Variants in STAG1 observed in about 807,000 individuals in gnomAD.
STAG1 encodes the protein cohesin subunit SA-1.
Under a neutral mutation model 170.9 loss-of-function variants are expected in STAG1, and 26 were observed. The ratio of observed to expected loss-of-function variants is 0.15; its 90% CI spans 0.11 to 0.21. The LOEUF (loss-of-function observed/expected upper bound fraction) is 0.21, where lower values mean the gene tolerates loss of function less well. STAG1 is among the 10% of genes least tolerant of loss of function. The pLI is 1.00. For missense variants in STAG1, 964 were observed against 1,509.5 expected (o/e 0.64, Z 5.99); for synonymous variants, 514 against 497.7 (o/e 1.03, Z -0.44).
intron 7 of STAG1, among the ~76,000 whole-genome samples, chr3:136,517,833 A>G (rs907057907): frequency 6.6e-6 from 1 of 152,070 alleles, no homozygotes; most frequent in Non-Finnish European, 1.5e-5. Context: ...GTTAATGAAA[A>G]CTACAATGTA....
intron 1 of STAG1, among the ~76,000 whole-genome samples, chr3:136,731,772 C>T (rs1268729018): frequency 1.3e-5 from 2 of 152,224 alleles, no homozygotes; most frequent in African/African-American, 4.8e-5. Flanking sequence ...GCTAACCTAT[C>T]TCTTTTTCAT....
intron 7 of STAG1, among the ~76,000 whole-genome samples, chr3:136,504,948 A>G (rs1298934441): frequency 1.3e-5 from 2 of 152,220 alleles, no homozygotes; most frequent in Admixed American, 6.5e-5. Flanking sequence ...AATGATCAAT[A>G]TATCTTCGGA....
intron 6 of STAG1, among the ~76,000 whole-genome samples, chr3:136,538,209 TAC>T (rs1935733078): frequency 6.6e-6 from 1 of 152,160 alleles, no homozygotes; most frequent in Non-Finnish European, 1.5e-5. Flanking sequence ...GATAGCGCAA[TAC>T]TATATACATT....
At chr3:136,651,270 G>A (rs1357198333) in intron 1 of STAG1, among the ~76,000 whole-genome samples, 1 of 151,646 alleles carries the variant, frequency 6.6e-6, no homozygotes, top group Non-Finnish European at 1.5e-5. Flanking sequence ...AGAGGCTGAG[G>A]TGGGAGGACT....
chr3:136,407,946 T>C (rs1333340120), intron 21 of STAG1, among the ~76,000 whole-genome samples: 1 of 151,498 alleles, frequency 6.6e-6, no homozygotes, highest in African/African-American at 2.4e-5. Flanking sequence ...TCCAACAGTA[T>C]AACTGGTGTA....
Position 136,630,955 on chromosome 3 carries a change from A to T in STAG1, c.-57T>A. The T allele has an allele frequency of 6.7e-7, 1 of 1,482,472 alleles. No homozygotes were observed. Among genetic ancestry groups the T allele is most frequent in the Non-Finnish European group, 9.0e-7 (1 of 1,110,932 alleles). The allele number at this position is 1,482,472 out of a possible 1,614,324, so 91.8% of individuals were successfully genotyped here. ...ATAATCAAGTGCTGTACAACTCAAA[A>T]CTTTTAAAATAACCTCAAAGGCAAT... On this transcript the variant is annotated 5_prime_UTR_variant, in exon 2 of 34. Coordinates refer to ENST00000383202, the MANE Select transcript of STAG1 (RefSeq NM_005862.3).
chr3:136,465,302 C>T (rs1235181538), intron 12 of STAG1, among the ~76,000 whole-genome samples: 2 of 150,124 alleles, frequency 1.3e-5, no homozygotes, highest in Non-Finnish European at 3.0e-5. Context: ...TCACTGCAAC[C>T]TCTGCCTCCC....
chr3:136,701,344 T>C (rs1455545796), intron 1 of STAG1, among the ~76,000 whole-genome samples: 4 of 152,170 alleles, frequency 2.6e-5, no homozygotes, highest in African/African-American at 9.7e-5. Context: ...CTTGACCTTT[T>C]TGCTTCTTGA....
chr3:136,655,104 G>A (rs181578715), intron 1 of STAG1, among the ~76,000 whole-genome samples: 13 of 151,930 alleles, frequency 8.6e-5, no homozygotes, highest in East Asian at 1.9e-4. Context: ...GAACAACATC[G>A]GCACAGACAA....
At chr3:136,372,325 C>T (rs545177708) in intron 23 of STAG1, among the ~76,000 whole-genome samples, 98 of 152,254 alleles carry the variant, frequency 6.4e-4, no homozygotes, top group African/African-American at 2.0e-3. Flanking sequence ...CTTTTCCTAA[C>T]TGAATGCCCT....
chr3:136,538,850 T>C (rs889678559), intron 6 of STAG1, among the ~76,000 whole-genome samples: 2 of 152,178 alleles, frequency 1.3e-5, no homozygotes, highest in Non-Finnish European at 2.9e-5. Context: ...AAAAATGTTT[T>C]AGTGGCTGGG....
At chr3:136,618,134 T>C (rs550371472) in intron 3 of STAG1, among the ~76,000 whole-genome samples, 1 of 152,302 alleles carries the variant, frequency 6.6e-6, no homozygotes, top group South Asian at 2.1e-4. Context: ...CTTTTCCAAT[T>C]ACCTGCTCCA....
chr3:136,425,929 A>G (rs926080452), intron 16 of STAG1, among the ~76,000 whole-genome samples: 5 of 151,564 alleles, frequency 3.3e-5, no homozygotes, highest in African/African-American at 1.2e-4. Context: ...AACAATAACC[A>G]TTAGCACTGT....
intron 6 of STAG1, among the ~76,000 whole-genome samples, chr3:136,533,316 TG>T (rs923753661): frequency 6.6e-6 from 1 of 152,168 alleles, no homozygotes; most frequent in African/African-American, 2.4e-5. Context: ...GGTAAAATGT[TG>T]GTAACCACTG....
intron 5 of STAG1, among the ~76,000 whole-genome samples, chr3:136,568,146 C>T (rs1166285239): frequency 6.6e-6 from 1 of 152,072 alleles, no homozygotes; most frequent in African/African-American, 2.4e-5. Flanking sequence ...GATTACTATT[C>T]TTCTGTATTC....
rs1167890194 is a variant in STAG1 at position 136,726,076 on chromosome 3, C to G, written c.-84+26119G>C. Among the ~76,000 whole-genome samples the G allele has an allele frequency of 3.9e-5, 6 of 152,284 alleles. No individual in the cohort carries two copies. The East Asian group carries it at 7.7e-4, about 20-fold the overall frequency. On this transcript the variant is annotated intron_variant, in intron 1 of 33. Coordinates refer to ENST00000383202, the MANE Select transcript of STAG1 (RefSeq NM_005862.3). ...ACACTGTAACAACCTAACCCTCCCT[C>G]TTGCATTCCCCACACCCCACCCACC...
At chr3:136,639,876 C>T (rs967726476) in intron 1 of STAG1, among the ~76,000 whole-genome samples, 22 of 152,250 alleles carry the variant, frequency 1.4e-4, no homozygotes, top group African/African-American at 5.1e-4. Context: ...TTCCTTTAAA[C>T]TATGTATGTG....
intron 3 of STAG1, among the ~76,000 whole-genome samples, chr3:136,610,951 C>T (rs561256724): frequency 3.5e-4 from 54 of 152,186 alleles, no homozygotes; most frequent in African/African-American, 1.1e-3. Context: ...TTCCTTTTTT[C>T]CACATATTAA....
intron 28 of STAG1, among the ~76,000 whole-genome samples, chr3:136,353,874 G>A (rs1357697478): frequency 6.6e-6 from 1 of 152,136 alleles, no homozygotes; most frequent in East Asian, 1.9e-4. Context: ...TCTCTTAACT[G>A]ATTTAAAAAG....
Sources: gnomAD v4.1 joint callset for allele counts (sites outside exome capture counted in the v4.1 genomes callset) on GRCh38, gnomAD v4.1.1 for gene constraint, MANE v1.5 for transcripts, NCBI Gene and HGNC (gene_info 2026-07-23, HGNC 2026-07-21) for gene names.